NFKB1: variants seen among roughly 807,000 people sequenced by gnomAD.
NFKB1 encodes nuclear factor kappa B subunit 1.
A neutral mutation model predicts 105.1 loss-of-function variants in NFKB1; 9 were observed. That is an observed-to-expected ratio of 0.09 (90% CI 0.05 to 0.15). The LOEUF is 0.15. Ranked by LOEUF, NFKB1 falls within the 10% of genes least tolerant of loss-of-function variation. The probability of loss-of-function intolerance (pLI) is 1.00; values close to 1 mark genes in which losing one functional copy is unlikely to be tolerated. For synonymous variants in NFKB1, 440 were observed against 442.2 expected (o/e 1.00, Z 0.06); for missense variants, 830 against 1,203.7 (o/e 0.69, Z 4.59).
At chr4:102,545,473 T>C (rs1325254976) in intron 5 of NFKB1, among the ~76,000 whole-genome samples, 2 of 152,106 alleles carry the variant, frequency 1.3e-5, no homozygotes, top group Non-Finnish European at 1.5e-5. Context: ...ATTTTATAAA[T>C]GAGGAAATTG....
chr4:102,607,794 G>A, intron 19 of NFKB1, 43 bp downstream of exon 19: 2 of 1,580,198 alleles, frequency 1.3e-6, no homozygotes, highest in Non-Finnish European at 8.7e-7. Flanking sequence ...AATGTTACCA[G>A]GAATGCAAAC....
In NFKB1 at chr4:102,529,853, T is replaced by G; in HGVS notation, c.57T>G (p.Pro19=). The G allele has an allele frequency of 6.2e-7, 1 of 1,606,360 alleles. No individual in the cohort carries two copies. Among genetic ancestry groups the G allele is most frequent in the East Asian group, 2.2e-5 (1 of 44,698 alleles). The change falls in exon 3 of 24, where the codon CCT becomes CCG. Residue 19 remains proline (P), a synonymous_variant. Coordinates refer to ENST00000226574, the MANE Select transcript of NFKB1 (RefSeq NM_003998.4). ...GRPEQMFHLD[P]SLTHTIFNPE... ...CTTTACAGATGTTTCATTTGGATCC[T>G]TCTTTGACTCATACAATATTTAATC... is the stretch of plus-strand genomic sequence containing the variant.
At chr4:102,557,009 G>C (rs2149152499) in intron 5 of NFKB1, 1 of 152,272 alleles carries the variant, frequency 6.6e-6, no homozygotes, top group Admixed American at 6.5e-5. Context: ...TAAACATTAA[G>C]GGTAAAAACA....
At chr4:102,610,540 G>A (rs1194916471) in intron 19 of NFKB1, 35 bp from the exon 20 acceptor site, 4 of 1,608,928 alleles carry the variant, frequency 2.5e-6, no homozygotes, top group Non-Finnish European at 3.4e-6. Context: ...GACAAGATCT[G>A]GGTTTACCTA....
chr4:102,535,022 T>C (rs1001453918), intron 4 of NFKB1, among the ~76,000 whole-genome samples: 2 of 152,198 alleles, frequency 1.3e-5, no homozygotes, highest in African/African-American at 4.8e-5. Flanking sequence ...CACATGAAAC[T>C]TTGGGGCATG....
At chr4:102,610,186 C>T (rs1217967596) in intron 19 of NFKB1, among the ~76,000 whole-genome samples, 2 of 152,296 alleles carry the variant, frequency 1.3e-5, no homozygotes, top group East Asian at 3.9e-4. Context: ...CATTGTCATG[C>T]ATAAATTTGA....
Position 102,596,163 on chromosome 4 carries a change from G to A in NFKB1, c.1326G>A (p.Lys442=). The change falls in exon 14 of 24, where the codon AAG becomes AAA. Residue 442 remains lysine, a synonymous_variant. Transcript: ENST00000226574. ...KHGTMDTESK[K]DPEGCDKSDD... Reference sequence around the variant, plus strand: ...GAACCATGGACACTGAATCTAAAAAGGACCCTGAAGGTTGTGACAAAAGTG... The same window carrying A: ...GAACCATGGACACTGAATCTAAAAAAGACCCTGAAGGTTGTGACAAAAGTG... The A allele has an allele frequency of 6.2e-7, 1 of 1,603,512 alleles. No homozygotes were observed. Among genetic ancestry groups the A allele is most frequent in the Non-Finnish European group, 8.5e-7 (1 of 1,173,590 alleles).
chr4:102,594,863 T>A (rs1340120655), intron 12 of NFKB1, 29 bp from the exon 13 acceptor site: 1 of 1,475,842 alleles, frequency 6.8e-7, no homozygotes. Flanking sequence ...ATCTTCATGA[T>A]GTTTCATTTG....
At chr4:102,612,380 C>T (rs958135041) in intron 21 of NFKB1, 54 bp from the exon 22 acceptor site, 2 of 1,569,016 alleles carry the variant, frequency 1.3e-6, no homozygotes, top group Non-Finnish European at 1.7e-6. Context: ...ATCAGTCCCT[C>T]CAGAGTGTCT....
chr4:102,570,120 G>T (rs906101662), intron 6 of NFKB1, among the ~76,000 whole-genome samples: 2 of 152,010 alleles, frequency 1.3e-5, no homozygotes, highest in Non-Finnish European at 2.9e-5. Context: ...TCTGCTTTCT[G>T]GCAGTTTAGA....
chr4:102,593,678 A>AT, intron 12 of NFKB1, 110 bp downstream of exon 12: 1 of 989,488 alleles, frequency 1.0e-6, no homozygotes, highest in Non-Finnish European at 1.4e-6. Flanking sequence ...GATATTATTG[A>AT]GTATATTAAT....
At chr4:102,502,553 A>G (rs963545985) in intron 1 of NFKB1, among the ~76,000 whole-genome samples, 2 of 152,214 alleles carry the variant, frequency 1.3e-5, no homozygotes, top group Non-Finnish European at 2.9e-5. Context: ...ACTCTTGGAC[A>G]GTGCCACCAT....
Position 102,541,343 on chromosome 4 carries a change from A to G in NFKB1, c.258+3387A>G, listed in dbSNP as rs987021331. 9.2e-5 allele frequency among the ~76,000 whole-genome samples: 14 copies of G among 152,228 alleles called. No homozygotes were observed. In the South Asian group the frequency reaches 2.1e-3, roughly 23 times the overall value. ...TTACGTAGAATTGTCCAAGTGTATTATTTTATAAACGTGCCTTTCTTGGTT... is the reference window on the plus strand; with the variant it reads ...TTACGTAGAATTGTCCAAGTGTATTGTTTTATAAACGTGCCTTTCTTGGTT... On this transcript the variant is annotated intron_variant, in intron 5 of 23. Transcript: ENST00000226574.
intron 15 of NFKB1, among the ~76,000 whole-genome samples, chr4:102,598,002 T>A (rs1726782289): frequency 6.6e-6 from 1 of 152,192 alleles, no homozygotes; most frequent in Admixed American, 6.5e-5. Context: ...TCCTACCAAA[T>A]CCCTGAAGCA....
intron 7 of NFKB1, chr4:102,577,753 C>T (rs1040810395): frequency 4.4e-6 from 4 of 906,860 alleles, no homozygotes; most frequent in African/African-American, 1.8e-5. Flanking sequence ...ACTGACTCCC[C>T]CTCCTCGCCT....
intron 2 of NFKB1, among the ~76,000 whole-genome samples, chr4:102,527,933 C>T (rs1010016601): frequency 6.6e-6 from 1 of 152,074 alleles, no homozygotes; most frequent in Admixed American, 6.6e-5. Context: ...GGCATCTTTG[C>T]GATCATCAGT....
chr4:102,549,568 G>C (rs539288083), intron 5 of NFKB1, among the ~76,000 whole-genome samples: 1 of 151,382 alleles, frequency 6.6e-6, no homozygotes, highest in African/African-American at 2.4e-5. Context: ...TATATATATG[G>C]GGGGAGGGGT....
At chr4:102,601,111 C>A (rs993213780) in intron 16 of NFKB1, 102 bp downstream of exon 16, 3 of 672,776 alleles carry the variant, frequency 4.5e-6, no homozygotes, top group Non-Finnish European at 5.2e-6. Context: ...TTAACAGTAG[C>A]AAAAACAAAA....
At chr4:102,539,236 C>CAAAAAAAA (rs550342036) in intron 5 of NFKB1, among the ~76,000 whole-genome samples, 2 of 95,646 alleles carry the variant, frequency 2.1e-5, no homozygotes, top group Non-Finnish European at 4.2e-5. Context: ...GACTCTGTCT[C>CAAAAAAAA]AAAAAAAAAA....
Sources: gnomAD v4.1 joint callset for allele counts (sites outside exome capture counted in the v4.1 genomes callset) on GRCh38, gnomAD v4.1.1 for gene constraint, MANE v1.5 for transcripts, NCBI Gene and HGNC (gene_info 2026-07-23, HGNC 2026-07-21) for gene names.